The following UBE2O variants were observed in gnomAD, a reference collection of about 807,000 sequenced individuals.
The protein encoded by UBE2O is (E3-independent) E2 ubiquitin-conjugating enzyme.
In UBE2O, 15 loss-of-function variants were observed where a neutral mutation model predicts 125.8. That is an observed-to-expected ratio of 0.12 (90% CI 0.08 to 0.18). The LOEUF (loss-of-function observed/expected upper bound fraction) is 0.18. Among genes scored for constraint, UBE2O ranks in the 10% least tolerant of loss-of-function variants. The pLI is 1.00. For synonymous variants in UBE2O, 708 were observed against 703.2 expected (o/e 1.01, Z -0.11); for missense variants, 1,280 against 1,723.6 (o/e 0.74, Z 4.56).
At chr17:76,403,715 T>G (rs543152088) in intron 3 of UBE2O, among the ~76,000 whole-genome samples, 1 of 152,356 alleles carries the variant, frequency 6.6e-6, no homozygotes, top group Non-Finnish European at 1.5e-5. Context: ...CATCCAGATC[T>G]TGGGTTTTAA....
chr17:76,452,678 C>A lies in UBE2O; in HGVS notation c.417+47G>T. On this transcript the variant is annotated intron_variant, in intron 1 of 17. Coordinates refer to ENST00000319380, the MANE Select transcript of UBE2O (RefSeq NM_022066.4). The surrounding 1 kb of genome is among the most constrained non-coding windows in gnomAD (Gnocchi z 4.4). ...CCGTCCTTCCCTGGCCTCGGCCCGGCCGCCGACCCCCTGCCGCCCGCGCCG... is the reference window on the plus strand; with the variant it reads ...CCGTCCTTCCCTGGCCTCGGCCCGGACGCCGACCCCCTGCCGCCCGCGCCG... The A allele has an allele frequency of 7.4e-7, 1 of 1,342,828 alleles. No homozygotes were observed. The highest frequency in any genetic ancestry group is 9.5e-7 in the Non-Finnish European group (1 of 1,057,202). 83.2% of individuals were successfully genotyped at this position (1,342,828 alleles called of 1,614,324 possible). A position where few individuals can be genotyped will look rare whatever the true frequency, so the allele number is the denominator to read the frequency against.
At position 76,390,682 on chromosome 17, in the gene UBE2O, G is replaced by A. The variant is rs1598575288; in HGVS notation, c.*261C>T. The A allele has an allele frequency of 2.5e-6, 1 of 394,402 alleles. No homozygotes were observed. The highest frequency in any genetic ancestry group is 4.3e-5 in the South Asian group (1 of 23,400). The allele number at this position is 394,402 out of a possible 1,614,324, so 24.4% of individuals were successfully genotyped here. ...AGCAAGTGCCGGACATTCTGCTGGGGTGACAAATGGAAAATCGGCAACAGG... is the reference window on the plus strand; with the variant it reads ...AGCAAGTGCCGGACATTCTGCTGGGATGACAAATGGAAAATCGGCAACAGG... On this transcript the variant is annotated 3_prime_UTR_variant, in exon 18 of 18. Transcript: ENST00000319380.
At chr17:76,403,757 T>C (rs576481344) in intron 3 of UBE2O, among the ~76,000 whole-genome samples, 19 of 152,236 alleles carry the variant, frequency 1.2e-4, no homozygotes, top group African/African-American at 4.3e-4. Flanking sequence ...ATGAGGCTTC[T>C]TGGAGAAATG....
chr17:76,413,115 T>C (rs1448949297), intron 1 of UBE2O, among the ~76,000 whole-genome samples: 3 of 152,174 alleles, frequency 2.0e-5, no homozygotes, highest in African/African-American at 7.2e-5. Flanking sequence ...ACTTTTTTAG[T>C]GATTCCTATA....
At chr17:76,416,955 C>T (rs2072627185) in intron 1 of UBE2O, among the ~76,000 whole-genome samples, 1 of 152,322 alleles carries the variant, frequency 6.6e-6, no homozygotes, top group South Asian at 2.1e-4. Flanking sequence ...CTACACACTG[C>T]AGGGGACAGA....
intron 1 of UBE2O, among the ~76,000 whole-genome samples, chr17:76,451,870 G>A (rs1013453098): frequency 6.6e-6 from 1 of 151,914 alleles, no homozygotes; most frequent in African/African-American, 2.4e-5. Context: ...CAAGGTTTCG[G>A]GTTTATGATG....
At chr17:76,441,208 A>G (rs1382720647) in intron 1 of UBE2O, among the ~76,000 whole-genome samples, 1 of 152,248 alleles carries the variant, frequency 6.6e-6, no homozygotes, top group African/African-American at 2.4e-5. Flanking sequence ...CACTGGCTGG[A>G]TAAAAGACAG....
At chr17:76,408,619 T>C (rs1012960082) in intron 1 of UBE2O, among the ~76,000 whole-genome samples, 3 of 152,244 alleles carry the variant, frequency 2.0e-5, no homozygotes, top group Non-Finnish European at 4.4e-5. Flanking sequence ...TCTTCATTTC[T>C]GAGGCAAGTG....
rs1332605057 is a variant in UBE2O at position 76,391,171 on chromosome 17, G to A, written c.3651C>T (p.Asp1217=). 1 of 1,613,600 alleles carries A rather than the reference G, an allele frequency of 6.2e-7. No individual in the cohort carries two copies. The highest frequency in any genetic ancestry group is 8.5e-7 in the Non-Finnish European group (1 of 1,179,722). The change falls in exon 18 of 18, where the codon GAC becomes GAT. Residue 1217 remains aspartate (D), a synonymous_variant. Transcript: ENST00000319380. This position sits in a 1 kb window ranked among gnomAD's most constrained non-coding sequence, Gnocchi z 8.4. ...GLASASRDHT[D]QTSETAPDAS... is the part of the protein sequence containing the mutation. ...CGTCTGGTGCGGTCTCCGAAGTCTG[G>A]TCTGTGTGGTCCCTGCTAGCTGAGG...
intron 1 of UBE2O, among the ~76,000 whole-genome samples, chr17:76,409,488 TGGGGTTCAA>T (rs1362950591): frequency 6.6e-6 from 1 of 151,672 alleles, no homozygotes; most frequent in Non-Finnish European, 1.5e-5. Flanking sequence ...CCTCCGCCTC[TGGGGTTCAA>T]GTGATTCTCC....
intron 15 of UBE2O, among the ~76,000 whole-genome samples, chr17:76,394,737 T>C (rs190939535): frequency 5.9e-5 from 9 of 152,296 alleles, no homozygotes; most frequent in Admixed American, 5.2e-4. Flanking sequence ...AAGAGGCCTA[T>C]GATTCGGGGA....
At chr17:76,413,888 G>A (rs1354313000) in intron 1 of UBE2O, among the ~76,000 whole-genome samples, 1 of 152,206 alleles carries the variant, frequency 6.6e-6, no homozygotes, top group Non-Finnish European at 1.5e-5. Flanking sequence ...ACCAGGAGAG[G>A]CAGAAAATGG....
chr17:76,410,114 A>G lies in UBE2O; in HGVS notation c.418-4542T>C, dbSNP rs1169715686. Among the ~76,000 whole-genome samples the G allele has an allele frequency of 1.3e-5, 2 of 152,126 alleles. No homozygotes were observed. The highest frequency in any genetic ancestry group is 4.8e-5 in the African/African-American group (2 of 41,420). ...GCAAGGCTTCAAGAAGGCAGAAGGC[A>G]TGGTGCTGTTATTCAGGCCTTAGAG... On this transcript the variant is annotated intron_variant, in intron 1 of 17. Transcript: ENST00000319380. This position sits in a 1 kb window ranked among gnomAD's most constrained non-coding sequence, Gnocchi z 4.0.
Position 76,452,358 on chromosome 17 carries a change from T to C in UBE2O, c.417+367A>G, listed in dbSNP as rs1007349849. The stretch of plus-strand genomic sequence containing the variant: ...GATGCACAATGCAGTACCGAGCTCC[T>C]TGGGGGTCAGCAAAACGCCGCACTG... On this transcript the variant is annotated intron_variant, in intron 1 of 17. Coordinates refer to ENST00000319380, the MANE Select transcript of UBE2O (RefSeq NM_022066.4). This position sits in a 1 kb window ranked among gnomAD's most constrained non-coding sequence, Gnocchi z 4.4. Among the ~76,000 whole-genome samples, 3 of 152,116 alleles carry C rather than the reference T, an allele frequency of 2.0e-5. No individual in the cohort carries two copies. The highest frequency in any genetic ancestry group is 1.3e-4 in the Admixed American group (2 of 15,282).
At chr17:76,435,419 C>T (rs1232774228) in intron 1 of UBE2O, among the ~76,000 whole-genome samples, 1 of 72,878 alleles carries the variant, frequency 1.4e-5, no homozygotes, top group Non-Finnish European at 2.5e-5. Context: ...CACACACATA[C>T]ACACACACAC....
At chr17:76,408,700 C>A (rs1679588352) in intron 1 of UBE2O, among the ~76,000 whole-genome samples, 1 of 152,236 alleles carries the variant, frequency 6.6e-6, no homozygotes, top group South Asian at 2.1e-4. Flanking sequence ...TCCCCTTCTA[C>A]CTCCAAAGAG....
At chr17:76,423,327 CCT>C (rs2072740129) in intron 1 of UBE2O, among the ~76,000 whole-genome samples, 1 of 152,008 alleles carries the variant, frequency 6.6e-6, no homozygotes, top group African/African-American at 2.4e-5. Context: ...TGCAGTGAGC[CCT>C]GATTGTGCCA....
intron 1 of UBE2O, among the ~76,000 whole-genome samples, chr17:76,451,066 G>A (rs904084043): frequency 1.3e-5 from 2 of 152,144 alleles, no homozygotes; most frequent in Non-Finnish European, 1.5e-5. Context: ...TAAACATAGC[G>A]GCTCCCAGTA....
rs368411420 is a variant in UBE2O, at chr17:76,398,841, C to T, written c.1779G>A (p.Lys593=). 18 of 1,613,586 alleles carry T rather than the reference C, an allele frequency of 1.1e-5. No individual in the cohort carries two copies. Among genetic ancestry groups the T allele is most frequent in the African/African-American group, 2.7e-5 (2 of 74,924 alleles). The change falls in exon 10 of 18, where the codon AAG becomes AAA. Residue 593 remains lysine, a synonymous_variant. Transcript: ENST00000319380. The surrounding 1 kb of genome is among the most constrained non-coding windows in gnomAD (Gnocchi z 5.4). ...EFCPGDFVVD[K]RVQSCPDPAV... ...CCCTTCCAGAGCTGGCACTACCTCG[C>T]TTATCTACCACGAAGTCTCCAGGGC...
Sources: allele counts gnomAD v4.1 joint callset (sites outside exome capture counted in the v4.1 genomes callset), GRCh38; gene constraint gnomAD v4.1.1; non-coding constraint Gnocchi (gnomAD v3.1); transcripts MANE v1.5; gene names NCBI Gene and HGNC (gene_info 2026-07-23, HGNC 2026-07-21).